PDCD11: variants seen among roughly 807,000 people sequenced by gnomAD.
The protein encoded by PDCD11 is programmed cell death 11, also known as protein RRP5 homolog.
In PDCD11, 97 loss-of-function variants were observed where a neutral mutation model predicts 198.9. That is an observed-to-expected ratio of 0.49 (90% CI 0.41 to 0.58). The LOEUF is 0.58. Ranked by LOEUF, PDCD11 falls within the 20% of genes least tolerant of loss-of-function variation. The pLI, the probability that PDCD11 is intolerant of heterozygous loss-of-function variation, is 0.00. For synonymous variants in PDCD11, 893 were observed against 918.0 expected (o/e 0.97, Z 0.49); for missense variants, 2,102 against 2,312.7 (o/e 0.91, Z 1.87).
At chr10:103,432,426 A>G (rs1015144214) in intron 22 of PDCD11, among the ~76,000 whole-genome samples, 192 bp downstream of exon 22, 1 of 152,270 alleles carries the variant, frequency 6.6e-6, no homozygotes, top group African/African-American at 2.4e-5. Flanking sequence ...AATATGGCTT[A>G]CACACAATTA....
chr10:103,400,848 C>T (rs2029997727), intron 3 of PDCD11, among the ~76,000 whole-genome samples: 1 of 152,176 alleles, frequency 6.6e-6, no homozygotes, highest in South Asian at 2.1e-4. Context: ...CTCCTGGGCT[C>T]AAGCAATCTT....
At chr10:103,400,302 CA>C in intron 2 of PDCD11, 94 bp from the exon 3 acceptor site, 4 of 932,404 alleles carry the variant, frequency 4.3e-6, no homozygotes, top group Non-Finnish European at 5.7e-6. Flanking sequence ...GAAGGAGTAA[CA>C]AAGCAAGGTG....
rs747202786 is a variant in PDCD11 at position 103,414,008 on chromosome 10, G to A, written c.1228G>A (p.Ala410Thr). 1.9e-6 allele frequency: 3 copies of A among 1,613,538 alleles called. No homozygotes were observed. Among genetic ancestry groups the A allele is most frequent in the South Asian group, 2.2e-5 (2 of 91,038 alleles). The change falls in exon 10 of 36, where the codon GCC (alanine) becomes ACC (threonine). Residue 410 changes from alanine to threonine, a missense_variant. Transcript: ENST00000369797. Reference protein sequence around the residue: ...SDSKNVFNPEAFKPGNTHKCR... With the variant: ...SDSKNVFNPETFKPGNTHKCR... Reference sequence around the variant, plus strand: ...TTCTAAGAACGTCTTCAATCCTGAGGCCTTCAAGCCAGGGAACACTCACAA... The same window carrying A: ...TTCTAAGAACGTCTTCAATCCTGAGACCTTCAAGCCAGGGAACACTCACAA...
intron 14 of PDCD11, 85 bp from the exon 15 acceptor site, chr10:103,418,355 A>C (rs2031233369): frequency 9.1e-7 from 1 of 1,099,522 alleles, no homozygotes; most frequent in African/African-American, 1.6e-5. Flanking sequence ...GCCGGAGTTT[A>C]ATGCCTCCAA....
At position 103,443,952 on chromosome 10, in the gene PDCD11, T is replaced by A; in HGVS notation, c.5162T>A (p.Phe1721Tyr). The change falls in exon 34 of 36, where the codon TTC (phenylalanine) becomes TAC (tyrosine). Residue 1721 changes from phenylalanine (F) to tyrosine (Y), a missense_variant. Transcript: ENST00000369797. Reference sequence around the variant, plus strand: ...CTCTACAACCGGATGCTGAAGCGTTTCCGGCAGGAGAAAGCTGTGTGGATC... The same window carrying A: ...CTCTACAACCGGATGCTGAAGCGTTACCGGCAGGAGAAAGCTGTGTGGATC... ...GELYNRMLKR[F>Y]RQEKAVWIKY... The A allele has an allele frequency of 1.9e-6, 3 of 1,614,186 alleles. No individual in the cohort carries two copies. The highest frequency in any genetic ancestry group is 2.5e-6 in the Non-Finnish European group (3 of 1,180,042).
At chr10:103,402,479 C>G (rs184854272) in intron 3 of PDCD11, among the ~76,000 whole-genome samples, 1 of 152,122 alleles carries the variant, frequency 6.6e-6, no homozygotes, top group East Asian at 1.9e-4. Flanking sequence ...ACTCTTGTTG[C>G]CCAGGCTGGA....
chr10:103,403,313 A>G (rs749007536), intron 4 of PDCD11, 28 bp downstream of exon 4: 2 of 1,595,804 alleles, frequency 1.3e-6, no homozygotes, highest in Non-Finnish European at 1.7e-6. Flanking sequence ...GAAGCCTGTT[A>G]TTGAAAATAA....
intron 21 of PDCD11, among the ~76,000 whole-genome samples, chr10:103,430,635 CTT>C (rs945485194): frequency 1.2e-4 from 16 of 130,746 alleles, no homozygotes; most frequent in Admixed American, 2.3e-4. Flanking sequence ...TCGTTATTTT[CTT>C]TTTTTTTTTT....
Position 103,405,027 on chromosome 10 carries a change from A to G in PDCD11, c.408A>G (p.Leu136=), listed in dbSNP as rs7914506. ...TTCTCATTTGTGTTATGCAGGACCT[A>G]CTTCACTTGCCTGAACTTTTCTCAC... ...QVTQEQPLKD[L]LHLPELFSPG... The change falls in exon 5 of 36, where the codon CTA becomes CTG. Residue 136 remains leucine, a synonymous_variant. Coordinates refer to ENST00000369797, the MANE Select transcript of PDCD11 (RefSeq NM_014976.2). 15,419 of 1,613,788 alleles carry G rather than the reference A, an allele frequency of 9.6e-3. 1,241 individuals are homozygous for G. In the African/African-American group the frequency reaches 0.17, roughly 18 times the overall value.
rs564339479 is a variant in PDCD11 at position 103,400,496 on chromosome 10, G to T, written c.202G>T (p.Ala68Ser). ...KIEKRESSKS[A>S]REKFEILSVE... ...CGAAAAGAGAGAAAGCAGCAAGTCC[G>T]CAAGAGAGAAGTTTGAAATCCTTAG... Residue 68 changes from alanine to serine, a missense_variant, in exon 3 of 36, where the codon GCA becomes TCA. Physicochemically the swap from Ala to Ser is moderately conservative, Grantham distance 99 (BLOSUM62 1). Coordinates refer to ENST00000369797, the MANE Select transcript of PDCD11 (RefSeq NM_014976.2). The T allele has an allele frequency of 1.9e-6, 3 of 1,613,732 alleles. No individual in the cohort carries two copies. The highest frequency in any genetic ancestry group is 1.3e-5 in the African/African-American group (1 of 74,900).
chr10:103,415,230 C>T lies in PDCD11; in HGVS notation c.1518+79C>T, dbSNP rs550271082. 7.6e-6 allele frequency: 11 copies of T among 1,447,904 alleles called. No homozygotes were observed. In the Admixed American group the frequency reaches 1.9e-4, roughly 25 times the overall value. The allele number at this position is 1,447,904 out of a possible 1,614,324, so 89.7% of individuals were successfully genotyped here. A position where few individuals can be genotyped will look rare whatever the true frequency, so the allele number is the denominator to read the frequency against. ...TCTCAACTGAAGTTTCTGCCTTTTTCCACAAAGTGAGTGTGTAATGTCTGT... is the reference window on the plus strand; with the variant it reads ...TCTCAACTGAAGTTTCTGCCTTTTTTCACAAAGTGAGTGTGTAATGTCTGT... On this transcript the variant is annotated intron_variant, in intron 12 of 35. Coordinates refer to ENST00000369797, the MANE Select transcript of PDCD11 (RefSeq NM_014976.2).
In PDCD11 at chr10:103,442,323, T is replaced by C. The variant is rs374680306; in HGVS notation, c.4818T>C (p.Asp1606=). ...MDPGRQPESA[D]DFDRLVLSSP... ...CTGGGCGGCAGCCAGAGTCCGCGGATGATTTTGACCGACTGGTGCTGAGCT... is the reference window on the plus strand; with the variant it reads ...CTGGGCGGCAGCCAGAGTCCGCGGACGATTTTGACCGACTGGTGCTGAGCT... Residue 1606 remains aspartate (D), a synonymous_variant, in exon 32 of 36, where the codon GAT becomes GAC. Transcript: ENST00000369797. 3 of 1,614,196 alleles carry C rather than the reference T, an allele frequency of 1.9e-6. No homozygotes were observed. The highest frequency in any genetic ancestry group is 2.5e-6 in the Non-Finnish European group (3 of 1,180,028).
chr10:103,421,599 C>A, intron 17 of PDCD11, 32 bp downstream of exon 17: 4 of 1,457,550 alleles, frequency 2.7e-6, no homozygotes, highest in Non-Finnish European at 3.8e-6. Context: ...GGAGGTGGGC[C>A]AGGGGTGGGA....
chr10:103,408,205 C>G (rs2030578140), intron 7 of PDCD11, among the ~76,000 whole-genome samples: 2 of 152,130 alleles, frequency 1.3e-5, no homozygotes. Flanking sequence ...CACCTAGAAC[C>G]CTTTTTAATG....
chr10:103,411,094 A>T (rs76373929), intron 8 of PDCD11, among the ~76,000 whole-genome samples: 30 of 149,086 alleles, frequency 2.0e-4, no homozygotes, highest in African/African-American at 3.7e-4. Context: ...AAAAAAAAAA[A>T]TTTTTACAGG....
In PDCD11 at chr10:103,425,256, A is replaced by T; in HGVS notation, c.3036A>T (p.Thr1012=). ...TMRPTQKDSE[T]VDEDEEVDPA... ...GGCCGACCCAGAAGGACTCTGAGAC[A>T]GTTGATGAGGATGAAGAAGTGGATC... Residue 1012 remains threonine, a synonymous_variant, in exon 20 of 36, where the codon ACA becomes ACT. Transcript: ENST00000369797. The T allele has an allele frequency of 6.2e-7, 1 of 1,614,170 alleles. No homozygotes were observed.
intron 7 of PDCD11, 72 bp from the exon 8 acceptor site, chr10:103,409,626 AC>A: frequency 1.0e-6 from 1 of 976,202 alleles, no homozygotes; most frequent in Non-Finnish European, 1.7e-6. Flanking sequence ...TTGAGTGTTT[AC>A]TGTGAGCAAT....
chr10:103,414,404 A>G (rs2030985791), intron 11 of PDCD11, 74 bp downstream of exon 11: 2 of 1,015,744 alleles, frequency 2.0e-6, no homozygotes, highest in Middle Eastern at 2.1e-4. Flanking sequence ...GGTGACTGTC[A>G]GCCCGTTAGT....
At position 103,427,402 on chromosome 10, in the gene PDCD11, C is replaced by G. The variant is rs2031744159; in HGVS notation, c.3368+11C>G. 2 of 1,605,172 alleles carry G rather than the reference C, an allele frequency of 1.2e-6. No individual in the cohort carries two copies. The highest frequency in any genetic ancestry group is 8.5e-7 in the Non-Finnish European group (1 of 1,174,436). On this transcript the variant is annotated intron_variant, in intron 21 of 35. Coordinates refer to ENST00000369797, the MANE Select transcript of PDCD11 (RefSeq NM_014976.2). ...GAGTGTTCGGCCAAGGTGAGGGGGA[C>G]ATTAGCAGCACTGTCTTACGGAAAG...
Sources: allele counts gnomAD v4.1 joint callset (sites outside exome capture counted in the v4.1 genomes callset), GRCh38; gene constraint gnomAD v4.1.1; transcripts MANE v1.5; gene names NCBI Gene and HGNC (gene_info 2026-07-23, HGNC 2026-07-21).